MICAL2: variants seen among roughly 807,000 people sequenced by gnomAD.
MICAL2 encodes [F-actin]-monooxygenase MICAL2.
MICAL2 carries 77 observed loss-of-function variants against 127.3 expected under a neutral mutation model. The observed-to-expected ratio is 0.60, with a 90% CI of 0.50 to 0.73. The LOEUF (loss-of-function observed/expected upper bound fraction) is 0.73, where lower values mean the gene tolerates loss of function less well. MICAL2 is among the 30% of genes least tolerant of loss of function. The probability of loss-of-function intolerance (pLI) is 0.00; values close to 1 mark genes in which losing one functional copy is unlikely to be tolerated. For missense variants in MICAL2, 1,351 were observed against 1,434.4 expected, an observed-to-expected ratio of 0.94 and a Z score of 0.94; for synonymous variants, 570 against 551.1, an observed-to-expected ratio of 1.03 and a Z score of -0.48.
intron 30 of MICAL2, among the ~76,000 whole-genome samples, chr11:12,321,584 G>A (rs546108462): frequency 2.0e-5 from 3 of 152,134 alleles, no homozygotes; most frequent in South Asian, 2.1e-4. Flanking sequence ...AGCCCTTAGC[G>A]TCTTTCCCTC....
chr11:12,358,275 G>A, intron 34 of MICAL2: 1 of 1,610,490 alleles, frequency 6.2e-7, no homozygotes, highest in Non-Finnish European at 8.5e-7. Flanking sequence ...GAGCCCAGTG[G>A]TTTTCTTTTT....
At chr11:12,116,351 ATTTT>A (rs56280931) in intron 1 of MICAL2, among the ~76,000 whole-genome samples, 11 of 107,738 alleles carry the variant, frequency 1.0e-4, no homozygotes, top group East Asian at 2.6e-4. Flanking sequence ...CTTGATTTTG[ATTTT>A]TTTTTTTTTT....
At chr11:12,299,720 C>T (rs10831778) in intron 29 of MICAL2, among the ~76,000 whole-genome samples, 10,146 of 152,186 alleles carry the variant, frequency 0.067, 695 homozygotes, top group African/African-American at 0.17. Context: ...GTTAAGCCTA[C>T]AGCTGATGAA....
chr11:12,255,711 T>A lies in MICAL2; in HGVS notation c.2916T>A (p.Asn972Lys). Reference protein sequence around the residue: ...AAEVLVNLYMNDHRPKAQATS... With the variant: ...AAEVLVNLYMKDHRPKAQATS... ...AAGTCCTGGTCAATCTGTACATGAATGATCACAGACCTAAGGCCCAGGCCA... is the reference window on the plus strand; with the variant it reads ...AAGTCCTGGTCAATCTGTACATGAAAGATCACAGACCTAAGGCCCAGGCCA... Residue 972 changes from asparagine to lysine, a missense_variant, in exon 23 of 28, where the codon AAT becomes AAA. Physicochemically the swap from Asn to Lys is moderately conservative, Grantham distance 94. Around this residue, in one of 2 missense-constraint regions of MICAL2, gnomAD observed 752 missense variants for 719.4 expected, o/e 1.05. Transcript: ENST00000683283. The A allele has an allele frequency of 6.2e-7, 1 of 1,614,118 alleles. No individual in the cohort carries two copies. Among genetic ancestry groups the A allele is most frequent in the Non-Finnish European group, 8.5e-7 (1 of 1,179,982 alleles).
intron 1 of MICAL2, among the ~76,000 whole-genome samples, chr11:12,278,817 C>A (rs373591997): frequency 6.6e-6 from 1 of 152,138 alleles, no homozygotes; most frequent in African/African-American, 2.4e-5. Flanking sequence ...CTAAAGTTAT[C>A]TTGAGGTGGG....
intron 2 of MICAL2, among the ~76,000 whole-genome samples, chr11:12,141,974 T>A (rs1852393963): frequency 6.6e-6 from 1 of 152,252 alleles, no homozygotes; most frequent in Admixed American, 6.5e-5. Context: ...TTTAATCCAC[T>A]TCTCCCGTTT....
chr11:12,180,331 ACATG>A (rs1857287438), intron 3 of MICAL2, among the ~76,000 whole-genome samples: 1 of 67,918 alleles, frequency 1.5e-5, no homozygotes, highest in African/African-American at 4.5e-5. Flanking sequence ...GTGTTTATAT[ACATG>A]TATATATGTA....
downstream of MICAL2, among the ~76,000 whole-genome samples, chr11:12,287,755 A>G (rs549965264): frequency 6.6e-6 from 1 of 152,324 alleles, no homozygotes; most frequent in South Asian, 2.1e-4. Flanking sequence ...CAGGGGGCGC[A>G]GTGAACACGC....
chr11:12,268,685 A>G (rs1301920274), downstream of MICAL2, among the ~76,000 whole-genome samples: 2 of 152,158 alleles, frequency 1.3e-5, no homozygotes, highest in Non-Finnish European at 2.9e-5. Flanking sequence ...CAGGGGACCC[A>G]CCCTCAGATA....
rs577330774 is a variant in MICAL2, at chr11:12,177,073, G to C, written c.264+14654G>C. Among the ~76,000 whole-genome samples, 5 of 152,224 alleles carry C rather than the reference G, an allele frequency of 3.3e-5. 1 individual carries two copies. In the South Asian group the frequency reaches 1.0e-3, roughly 32 times the overall value. On this transcript the variant is annotated intron_variant, in intron 3 of 27. Coordinates refer to ENST00000683283, the MANE Select transcript of MICAL2 (RefSeq NM_001282663.2). ...GTAATTCTATTTTTACTTTTTTGAG[G>C]AACTGTCCTATTGTTTTCAAGTAGT...
intron 22 of MICAL2, among the ~76,000 whole-genome samples, chr11:12,251,780 CTG>C (rs199583133): frequency 6.6e-6 from 1 of 151,942 alleles, no homozygotes; most frequent in Non-Finnish European, 1.5e-5. Context: ...TCAGTTTTGG[CTG>C]CACCTCCCAG....
At chr11:12,312,478 C>T (rs1864185311) in intron 29 of MICAL2, among the ~76,000 whole-genome samples, 2 of 151,694 alleles carry the variant, frequency 1.3e-5, no homozygotes, top group South Asian at 2.1e-4. Context: ...ATTTTTTCTT[C>T]GATCCACAGC....
At chr11:12,161,649 G>GTAAT (rs1854811201) in intron 2 of MICAL2, 1 of 158,462 alleles carries the variant, frequency 6.3e-6, no homozygotes, top group Non-Finnish European at 1.4e-5. Context: ...AATGTGGCTG[G>GTAAT]GTTATATTCA....
chr11:12,336,505 G>A (rs544711560), intron 32 of MICAL2, among the ~76,000 whole-genome samples: 31 of 152,304 alleles, frequency 2.0e-4, no homozygotes, highest in African/African-American at 7.2e-4. Flanking sequence ...TAGGAGTGGT[G>A]AGAGAGGGCC....
intron 2 of MICAL2, among the ~76,000 whole-genome samples, chr11:12,148,038 C>T (rs2133691840): frequency 1.3e-5 from 2 of 152,194 alleles, no homozygotes; most frequent in South Asian, 4.2e-4. Context: ...ATGCTCCAGC[C>T]CATCCCTTAA....
chr11:12,123,867 C>T (rs1327505875), intron 1 of MICAL2, among the ~76,000 whole-genome samples: 3 of 152,004 alleles, frequency 2.0e-5, no homozygotes, highest in Non-Finnish European at 4.4e-5. Flanking sequence ...TTTTATACAG[C>T]GAAGGCAGTG....
intron 1 of MICAL2, among the ~76,000 whole-genome samples, chr11:12,278,283 C>T (rs1320150463): frequency 1.3e-5 from 2 of 152,212 alleles, no homozygotes; most frequent in Non-Finnish European, 2.9e-5. Context: ...CACACACACA[C>T]ATTGAATAGC....
chr11:12,286,442 C>A (rs1863827879), intron 2 of MICAL2, among the ~76,000 whole-genome samples: 1 of 152,210 alleles, frequency 6.6e-6, no homozygotes, highest in African/African-American at 2.4e-5. Flanking sequence ...CGTATGTACA[C>A]ATGCATGTAT....
chr11:12,224,651 G>C (rs1265884051), intron 12 of MICAL2, 22 bp from the exon 13 acceptor site: 10 of 1,608,994 alleles, frequency 6.2e-6, no homozygotes, highest in Non-Finnish European at 7.7e-6. Context: ...GAGCCTCACT[G>C]CCTGCGCTCT....
Sources: allele counts gnomAD v4.1 joint callset (sites outside exome capture counted in the v4.1 genomes callset), GRCh38; gene constraint gnomAD v4.1.1; regional missense constraint gnomAD v4.1.1; transcripts MANE v1.5; gene names NCBI Gene and HGNC (gene_info 2026-07-23, HGNC 2026-07-21).